AP1M1: variants seen among roughly 807,000 people sequenced by gnomAD.
AP1M1 encodes the protein adaptor related protein complex 1 subunit mu 1, also known as AP-1 complex subunit mu-1.
AP1M1 carries 18 observed loss-of-function variants against 57.1 expected under a neutral mutation model. The observed-to-expected ratio is 0.32, with a 90% CI of 0.22 to 0.47. The LOEUF is 0.47. Ranked by LOEUF, AP1M1 falls within the 20% of genes least tolerant of loss-of-function variation. AP1M1 has a pLI of 1.00. For missense variants in AP1M1, 362 were observed against 593.5 expected (o/e 0.61, Z 4.05); for synonymous variants, 241 against 237.9 (o/e 1.01, Z -0.12).
chr19:16,207,070 T>C lies in AP1M1; in HGVS notation c.267+662T>C, dbSNP rs1470235093. Among the ~76,000 whole-genome samples, 1 of 152,222 alleles carries C rather than the reference T, an allele frequency of 6.6e-6. No homozygotes were observed. The highest frequency in any genetic ancestry group is 1.5e-5 in the Non-Finnish European group (1 of 68,036). ...GTGGTTTGATCTAAAGCAGCCTCTC[T>C]GGCTGCTGAGCAGAAGGAGGACTTG... On this transcript the variant is annotated intron_variant, in intron 3 of 11. Coordinates refer to ENST00000291439, the MANE Select transcript of AP1M1 (RefSeq NM_032493.4). The surrounding 1 kb of genome is among the most constrained non-coding windows in gnomAD (Gnocchi z 4.2).
intron 9 of AP1M1, among the ~76,000 whole-genome samples, chr19:16,229,521 G>A (rs1252090302): frequency 6.6e-6 from 1 of 152,168 alleles, no homozygotes; most frequent in African/African-American, 2.4e-5. Context: ...GAGCCGGGTG[G>A]CACTGACCTG....
intron 5 of AP1M1, among the ~76,000 whole-genome samples, chr19:16,224,919 G>A (rs1011016849): frequency 6.6e-6 from 1 of 152,176 alleles, no homozygotes; most frequent in African/African-American, 2.4e-5. Flanking sequence ...GCTGTTTCTG[G>A]TGCTGGACAC....
At chr19:16,222,208 A>AT (rs1438007288) in intron 5 of AP1M1, among the ~76,000 whole-genome samples, 3,835 of 68,636 alleles carry the variant, frequency 0.056, 184 homozygotes, top group African/African-American at 0.14. Context: ...TATTATTATT[A>AT]TTATTTTTTT....
Position 16,244,308 on chromosome 19 carries a change from C to T in AP1M1, c.*9873C>T, listed in dbSNP as rs1372344075. On this transcript the variant is annotated 3_prime_UTR_variant, in exon 12 of 12. Transcript: ENST00000291439. ...TGCAGACAAATAACGAAAGAGTTTG[C>T]CAGCAGCAGGCTAACACTAAAGAAA... 6.6e-6 allele frequency: 1 copy of T among 152,174 alleles called. No individual in the cohort carries two copies. Among genetic ancestry groups the T allele is most frequent in the East Asian group, 1.9e-4 (1 of 5,206 alleles). The allele number at this position is 152,174 out of a possible 1,614,324, so 9.4% of individuals were successfully genotyped here. A position where few individuals can be genotyped will look rare whatever the true frequency, so the allele number is the denominator to read the frequency against.
chr19:16,198,100 A>G (rs747814120), intron 1 of AP1M1, 32 bp downstream of exon 1: 2 of 1,593,620 alleles, frequency 1.3e-6, no homozygotes, highest in South Asian at 1.1e-5. Flanking sequence ...CCCTGTTGCC[A>G]GGCAACCGGC....
At chr19:16,210,625 T>C (rs1197781681) in intron 5 of AP1M1, among the ~76,000 whole-genome samples, 1 of 152,226 alleles carries the variant, frequency 6.6e-6, no homozygotes, top group Non-Finnish European at 1.5e-5. Context: ...AATGGCACTA[T>C]CTCCATTCAC....
In AP1M1 at chr19:16,209,010, C is replaced by T. The variant is rs371056005; in HGVS notation, c.399-20C>T. 1.2e-6 allele frequency: 2 copies of T among 1,609,784 alleles called. No homozygotes were observed. On this transcript the variant is annotated intron_variant, in intron 4 of 11. Coordinates refer to ENST00000291439, the MANE Select transcript of AP1M1 (RefSeq NM_032493.4). ...TGGTGCGGGTACCACCTCCTTCACT[C>T]TGAGCGTGTGGCCCCACAGGTACAT...
chr19:16,226,997 T>C (rs889681807), intron 6 of AP1M1, among the ~76,000 whole-genome samples: 3 of 152,098 alleles, frequency 2.0e-5, no homozygotes, highest in African/African-American at 7.2e-5. Flanking sequence ...GGGCCTGGTT[T>C]TGTGAACTGT....
At chr19:16,233,356 C>T in intron 9 of AP1M1, 137 bp from the exon 10 acceptor site, 1 of 1,310,026 alleles carries the variant, frequency 7.6e-7, no homozygotes, top group South Asian at 1.7e-5. Flanking sequence ...AGCTTTGGCT[C>T]CCCAGCACAG....
At position 16,239,433 on chromosome 19, in the gene AP1M1, A is replaced by G. The variant is rs2091637474; in HGVS notation, c.*4998A>G. On this transcript the variant is annotated 3_prime_UTR_variant, in exon 12 of 12. Coordinates refer to ENST00000291439, the MANE Select transcript of AP1M1 (RefSeq NM_032493.4). ...AAACAAACCAACAAAACACCCCCCAAAAATGACAATGCAGATTTGGAAGAA... is the reference window on the plus strand; with the variant it reads ...AAACAAACCAACAAAACACCCCCCAGAAATGACAATGCAGATTTGGAAGAA... 6.6e-6 allele frequency: 1 copy of G among 151,048 alleles called. No homozygotes were observed. The highest frequency in any genetic ancestry group is 1.5e-5 in the Non-Finnish European group (1 of 67,798). 9.4% of individuals were successfully genotyped at this position (151,048 alleles called of 1,614,324 possible).
At chr19:16,221,446 A>G (rs1302591161) in intron 5 of AP1M1, among the ~76,000 whole-genome samples, 2 of 152,242 alleles carry the variant, frequency 1.3e-5, no homozygotes, top group African/African-American at 2.4e-5. Flanking sequence ...GCTGTGTCCT[A>G]TCTCCATTGG....
chr19:16,218,974 T>C (rs1005290248), intron 5 of AP1M1, among the ~76,000 whole-genome samples: 1 of 152,244 alleles, frequency 6.6e-6, no homozygotes, highest in African/African-American at 2.4e-5. Flanking sequence ...ATTAAGTCTT[T>C]TGCCACCAAC....
rs2091657872 is a variant in AP1M1, at chr19:16,244,880, T to TG, written c.*10446dup. The TG allele has an allele frequency of 1.6e-5, 1 of 62,476 alleles. No individual in the cohort carries two copies. The highest frequency in any genetic ancestry group is 6.3e-3 in the Middle Eastern group (1 of 158). 3.9% of individuals were successfully genotyped at this position (62,476 alleles called of 1,614,324 possible). A position where few individuals can be genotyped will look rare whatever the true frequency, so the allele number is the denominator to read the frequency against. On this transcript the variant is annotated 3_prime_UTR_variant, in exon 12 of 12. Coordinates refer to ENST00000291439, the MANE Select transcript of AP1M1 (RefSeq NM_032493.4). ...AATAAATAACATGGATAAAATTTGT[T>TG]GTTTGTTGTTGTTGTTGTTGTTGTT...
rs540186221 is a variant in AP1M1 at position 16,238,796 on chromosome 19, T to C, written c.*4361T>C. On this transcript the variant is annotated 3_prime_UTR_variant, in exon 12 of 12. Coordinates refer to ENST00000291439, the MANE Select transcript of AP1M1 (RefSeq NM_032493.4). ...GTGCAGTGGCATGGTCACGGCTCAC[T>C]GCAGCTTCAAACTCCTGGGCTCAAG... The C allele has an allele frequency of 4.6e-5, 7 of 150,794 alleles. No individual in the cohort carries two copies. Among genetic ancestry groups the C allele is most frequent in the African/African-American group, 1.7e-4 (7 of 40,832 alleles). The allele number at this position is 150,794 out of a possible 1,614,324, so 9.3% of individuals were successfully genotyped here. A position where few individuals can be genotyped will look rare whatever the true frequency, so the allele number is the denominator to read the frequency against.
chr19:16,215,995 A>G (rs1411363420), intron 5 of AP1M1, among the ~76,000 whole-genome samples: 1 of 151,904 alleles, frequency 6.6e-6, no homozygotes, highest in African/African-American at 2.4e-5. Context: ...AAATTCTTAT[A>G]CTGTGTTTTT....
rs542594595 is a variant in AP1M1, at chr19:16,237,425, C to G, written c.*2990C>G. 7.2e-4 allele frequency: 109 copies of G among 152,306 alleles called. No homozygotes were observed. The highest frequency in any genetic ancestry group is 2.5e-3 in the African/African-American group (102 of 41,490). The allele number at this position is 152,306 out of a possible 1,614,324, so 9.4% of individuals were successfully genotyped here. Reference sequence around the variant, plus strand: ...CTCCAGCCTGGGCAACAGAGCGAGACTCCGTCTCAAAACACAACAAAAACC... The same window carrying G: ...CTCCAGCCTGGGCAACAGAGCGAGAGTCCGTCTCAAAACACAACAAAAACC... On this transcript the variant is annotated 3_prime_UTR_variant, in exon 12 of 12. Transcript: ENST00000291439.
In AP1M1 at chr19:16,209,132, G is replaced by A. The variant is rs1205671298; in HGVS notation, c.501G>A (p.Arg167=). The change falls in exon 5 of 12, where the codon CGG becomes CGA. Residue 167 remains arginine, a synonymous_variant. Coordinates refer to ENST00000291439, the MANE Select transcript of AP1M1 (RefSeq NM_032493.4). The part of the protein sequence containing the change: ...VSWRSEGIKY[R]KNEVFLDVIE... Reference sequence around the variant, plus strand: ...GGCGGTCCGAAGGCATCAAGTATCGGAAGAATGAGGTGTTCTTGGACGTCA... The same window carrying A: ...GGCGGTCCGAAGGCATCAAGTATCGAAAGAATGAGGTGTTCTTGGACGTCA... 1 of 1,614,108 alleles carries A rather than the reference G, an allele frequency of 6.2e-7. No individual in the cohort carries two copies. The highest frequency in any genetic ancestry group is 8.5e-7 in the Non-Finnish European group (1 of 1,180,054).
intron 5 of AP1M1, among the ~76,000 whole-genome samples, chr19:16,210,132 C>T (rs762190504): frequency 6.6e-6 from 1 of 152,200 alleles, no homozygotes; most frequent in Non-Finnish European, 1.5e-5. Context: ...GTCATGAGCT[C>T]TCGAGTCTGG....
rs1192823293 is a variant in AP1M1, at chr19:16,234,661, GC to G, written c.*230del. On this transcript the variant is annotated 3_prime_UTR_variant, in exon 12 of 12. Coordinates refer to ENST00000291439, the MANE Select transcript of AP1M1 (RefSeq NM_032493.4). ...GGTCTTCAAGAAGTCTCGTTTCTTT[GC>G]CCCTGAAGTCAGTTTCAGGGGAAGG... The G allele has an allele frequency of 3.3e-6, 2 of 604,284 alleles. No individual in the cohort carries two copies. The highest frequency in any genetic ancestry group is 3.7e-5 in the African/African-American group (2 of 54,066). The allele number at this position is 604,284 out of a possible 1,614,324, so 37.4% of individuals were successfully genotyped here.
Sources: gnomAD v4.1 joint callset for allele counts (sites outside exome capture counted in the v4.1 genomes callset) on GRCh38, gnomAD v4.1.1 for gene constraint, Gnocchi (gnomAD v3.1) non-coding constraint, MANE v1.5 for transcripts, NCBI Gene and HGNC (gene_info 2026-07-23, HGNC 2026-07-21) for gene names.